Variants in ADAMTS2 observed in about 807,000 individuals in gnomAD.
ADAMTS2 encodes the protein A disintegrin and metalloproteinase with thrombospondin motifs 2.
ADAMTS2 carries 50 observed loss-of-function variants against 123.0 expected under a neutral mutation model. That is an observed-to-expected ratio of 0.41 (90% CI 0.32 to 0.51). The LOEUF (loss-of-function observed/expected upper bound fraction) is 0.51, where lower values mean the gene tolerates loss of function less well. Ranked by LOEUF, ADAMTS2 falls within the 20% of genes least tolerant of loss-of-function variation. ADAMTS2 has a pLI of 0.35. For synonymous variants in ADAMTS2, 678 were observed against 695.4 expected (o/e 0.98, Z 0.39); for missense variants, 1,494 against 1,705.2 (o/e 0.88, Z 2.18).
Position 179,152,176 on chromosome 5 carries a change from G to A in ADAMTS2, c.1595C>T (p.Pro532Leu), listed in dbSNP as rs1763372563. Reference sequence around the variant, plus strand: ...TGCACACATAGTCCCGTCCAAGGGGGGCCCCTTCTTGGTCTTGCAAAAGTA... The same window carrying A: ...TGCACACATAGTCCCGTCCAAGGGGAGCCCCTTCTTGGTCTTGCAAAAGTA... ...NPYFCKTKKGPPLDGTMCAPG... is the reference protein window; with the variant it reads ...NPYFCKTKKGLPLDGTMCAPG... The change falls in exon 10 of 22, where the codon CCC becomes CTC. Residue 532 changes from proline to leucine, a missense_variant. Physicochemically the swap from Pro to Leu is moderately conservative, Grantham distance 98 (BLOSUM62 -3). Transcript: ENST00000251582. 2 of 1,613,906 alleles carry A rather than the reference G, an allele frequency of 1.2e-6. No individual in the cohort carries two copies. The highest frequency in any genetic ancestry group is 1.7e-6 in the Non-Finnish European group (2 of 1,179,940).
chr5:179,114,377 GT>G, intron 21 of ADAMTS2, 53 bp from the exon 22 acceptor site: 1 of 1,549,324 alleles, frequency 6.5e-7, no homozygotes, highest in Non-Finnish European at 8.8e-7. Context: ...GGGGGACTTT[GT>G]TCCCCCACAG....
At chr5:179,340,664 G>A (rs556595592) in intron 2 of ADAMTS2, among the ~76,000 whole-genome samples, 1 of 152,294 alleles carries the variant, frequency 6.6e-6, no homozygotes, top group African/African-American at 2.4e-5. Flanking sequence ...TTATTCATCT[G>A]TAGAAGGGGG....
chr5:179,121,558 G>A, intron 21 of ADAMTS2, 103 bp downstream of exon 21: 2 of 965,044 alleles, frequency 2.1e-6, no homozygotes, highest in Non-Finnish European at 3.0e-6. Context: ...GCAGAGTCAG[G>A]GGAGCTTTCC....
chr5:179,196,347 T>C (rs1298622766), intron 4 of ADAMTS2, among the ~76,000 whole-genome samples: 1 of 152,208 alleles, frequency 6.6e-6, no homozygotes, highest in African/African-American at 2.4e-5. Flanking sequence ...AGAAGATCCT[T>C]GGATTCCACG....
At chr5:179,139,140 G>A (rs1011982235) in intron 11 of ADAMTS2, among the ~76,000 whole-genome samples, 1 of 152,164 alleles carries the variant, frequency 6.6e-6, no homozygotes, top group African/African-American at 2.4e-5. Context: ...GGTGGGAGAC[G>A]GGGGTAACGC....
At chr5:179,212,188 G>A (rs1230414893) in intron 3 of ADAMTS2, among the ~76,000 whole-genome samples, 1 of 152,056 alleles carries the variant, frequency 6.6e-6, no homozygotes, top group Non-Finnish European at 1.5e-5. Flanking sequence ...GGCTCTGAGG[G>A]TGGGTACAGT....
At chr5:179,183,710 A>AG (rs1397485672) in intron 4 of ADAMTS2, among the ~76,000 whole-genome samples, 2 of 152,180 alleles carry the variant, frequency 1.3e-5, no homozygotes, top group East Asian at 3.9e-4. Flanking sequence ...GGGCAAGCCC[A>AG]GGGGGGCACT....
chr5:179,259,210 G>C (rs1265906651), intron 3 of ADAMTS2, among the ~76,000 whole-genome samples: 1 of 151,760 alleles, frequency 6.6e-6, no homozygotes, highest in Non-Finnish European at 1.5e-5. Flanking sequence ...CAGGTACTTC[G>C]CATCTGCTGC....
At chr5:179,131,306 CAAAAAA>C (rs553125844) in intron 15 of ADAMTS2, among the ~76,000 whole-genome samples, 538 of 22,620 alleles carry the variant, frequency 0.024, 3 homozygotes, top group African/African-American at 0.063. Flanking sequence ...GAGCGAGACT[CAAAAAA>C]AAAAAAAAAA....
Position 179,158,977 on chromosome 5 carries a change from G to C in ADAMTS2, c.976-98C>G, listed in dbSNP as rs1281999262. ...TAGTGTTGACAGACCCCATCCACTG[G>C]GAATCTGTTCCAGGTGGTACAAAGG... On this transcript the variant is annotated intron_variant, in intron 5 of 21. Transcript: ENST00000251582. The surrounding 1 kb of genome is among the most constrained non-coding windows in gnomAD (Gnocchi z 5.0). 2 of 1,476,320 alleles carry C rather than the reference G, an allele frequency of 1.4e-6. No individual in the cohort carries two copies. Among genetic ancestry groups the C allele is most frequent in the Non-Finnish European group, 1.8e-6 (2 of 1,088,022 alleles). 91.5% of individuals were successfully genotyped at this position (1,476,320 alleles called of 1,614,324 possible).
intron 3 of ADAMTS2, among the ~76,000 whole-genome samples, chr5:179,220,299 G>A (rs997061048): frequency 1.1e-4 from 17 of 152,304 alleles, no homozygotes; most frequent in Admixed American, 8.5e-4. Context: ...CAAGTGGGGT[G>A]CTGACAGCCA....
chr5:179,305,190 G>C (rs1480915927), intron 2 of ADAMTS2, among the ~76,000 whole-genome samples: 14 of 152,198 alleles, frequency 9.2e-5, no homozygotes, highest in Admixed American at 9.2e-4. Flanking sequence ...TCTACCCTAA[G>C]ATGGTTGCTG....
intron 2 of ADAMTS2, among the ~76,000 whole-genome samples, chr5:179,296,300 C>A (rs340116): frequency 6.6e-6 from 1 of 151,796 alleles, no homozygotes; most frequent in Non-Finnish European, 1.5e-5. Flanking sequence ...GCTCAAGGGA[C>A]GGGCAGGGGC....
intron 3 of ADAMTS2, among the ~76,000 whole-genome samples, chr5:179,264,004 C>A (rs116633076): frequency 0.029 from 4,457 of 152,280 alleles, 95 homozygotes; most frequent in Middle Eastern, 0.082. Flanking sequence ...GGCCTGTGGT[C>A]AGAGGCCTCC....
chr5:179,207,471 A>ACCCCGCC, intron 4 of ADAMTS2, 42 bp downstream of exon 4: 8 of 1,026,474 alleles, frequency 7.8e-6, no homozygotes, highest in Non-Finnish European at 1.1e-5. Flanking sequence ...CCCCTGGTTG[A>ACCCCGCC]CCCTCCCCGC....
intron 3 of ADAMTS2, among the ~76,000 whole-genome samples, chr5:179,221,432 C>T (rs760126318): frequency 2.6e-5 from 4 of 152,186 alleles, no homozygotes; most frequent in Non-Finnish European, 5.9e-5. Flanking sequence ...CCCACCATGA[C>T]CCTTGGGCAC....
At chr5:179,299,369 T>A (rs28573840) in intron 2 of ADAMTS2, among the ~76,000 whole-genome samples, 1,354 of 2,636 alleles carry the variant, frequency 0.51, 527 homozygotes, top group Middle Eastern at 1. Flanking sequence ...CTCTGCTAAA[T>A]ATACAAAAAA....
At chr5:179,278,723 G>A (rs1428048914) in intron 2 of ADAMTS2, among the ~76,000 whole-genome samples, 23 of 151,998 alleles carry the variant, frequency 1.5e-4, no homozygotes, top group Non-Finnish European at 1.5e-5. Context: ...AGGATCATGG[G>A]GAGGGCTCTG....
chr5:179,312,254 G>A lies in ADAMTS2; in HGVS notation c.534+31513C>T, dbSNP rs1756854344. 6.6e-6 allele frequency among the ~76,000 whole-genome samples: 1 copy of A among 152,210 alleles called. No homozygotes were observed. Among genetic ancestry groups the A allele is most frequent in the Non-Finnish European group, 1.5e-5 (1 of 68,032 alleles). ...CTGCTGGATTTTCCGGGTGGGCCCA[G>A]GGATAGACAGAATGTTTATATTCCC... is the stretch of plus-strand genomic sequence containing the variant. On this transcript the variant is annotated intron_variant, in intron 2 of 21. Coordinates refer to ENST00000251582, the MANE Select transcript of ADAMTS2 (RefSeq NM_014244.5). The surrounding 1 kb of genome is among the most constrained non-coding windows in gnomAD (Gnocchi z 4.2).
Sources: allele counts gnomAD v4.1 joint callset (sites outside exome capture counted in the v4.1 genomes callset), GRCh38; gene constraint gnomAD v4.1.1; non-coding constraint Gnocchi (gnomAD v3.1); transcripts MANE v1.5; gene names NCBI Gene and HGNC (gene_info 2026-07-23, HGNC 2026-07-21).